Variants in COL15A1 observed in about 807,000 individuals in gnomAD.
COL15A1 encodes collagen type XV alpha 1 chain.
Under a neutral mutation model 165.9 loss-of-function variants are expected in COL15A1, and 111 were observed. The observed-to-expected ratio is 0.67, with a 90% CI of 0.57 to 0.78. COL15A1 has a LOEUF of 0.78. Among genes scored for constraint, COL15A1 ranks in the 30% least tolerant of loss-of-function variants. COL15A1 has a pLI of 0.00. For missense variants in COL15A1, 1,745 were observed against 1,789.7 expected (o/e 0.98, Z 0.45); for synonymous variants, 659 against 674.8 (o/e 0.98, Z 0.36).
At chr9:99,068,173 G>A (rs1010469256) in intron 40 of COL15A1, among the ~76,000 whole-genome samples, 2 of 152,128 alleles carry the variant, frequency 1.3e-5, no homozygotes, top group African/African-American at 4.8e-5. Flanking sequence ...CTTGAAGAGC[G>A]AGTAAAAATC....
intron 11 of COL15A1, among the ~76,000 whole-genome samples, chr9:99,020,030 G>C (rs955093755): frequency 3.3e-5 from 5 of 152,178 alleles, no homozygotes; most frequent in African/African-American, 1.2e-4. Flanking sequence ...CTGACTAATA[G>C]ATCTTAACAA....
intron 26 of COL15A1, among the ~76,000 whole-genome samples, chr9:99,046,210 T>C (rs1390011980): frequency 1.3e-5 from 2 of 152,226 alleles, no homozygotes; most frequent in African/African-American, 4.8e-5. Flanking sequence ...CTTCTTCTAA[T>C]TTGCATGAAG....
chr9:99,039,947 A>G (rs1280436954), intron 22 of COL15A1, among the ~76,000 whole-genome samples: 1 of 152,134 alleles, frequency 6.6e-6, no homozygotes, highest in African/African-American at 2.4e-5. Context: ...GATCCAGGGG[A>G]AAATCTAGTG....
intron 2 of COL15A1, among the ~76,000 whole-genome samples, chr9:98,985,155 C>T (rs1003781635): frequency 6.6e-6 from 1 of 152,094 alleles, no homozygotes; most frequent in African/African-American, 2.4e-5. Flanking sequence ...ATTATATATT[C>T]TAGGGATTAC....
chr9:98,982,491 GT>G (rs1443429377), intron 2 of COL15A1, among the ~76,000 whole-genome samples: 12 of 152,106 alleles, frequency 7.9e-5, no homozygotes, highest in African/African-American at 2.7e-4. Context: ...ACAGGGCAGG[GT>G]CTGGTACGAT....
chr9:98,949,282 C>A (rs1286004580), intron 2 of COL15A1, among the ~76,000 whole-genome samples: 1 of 152,200 alleles, frequency 6.6e-6, no homozygotes, highest in East Asian at 1.9e-4. Flanking sequence ...GTTACTTATC[C>A]ATTCTTCTCC....
At chr9:99,042,184 A>G (rs1839417153) in intron 24 of COL15A1, 77 bp downstream of exon 24, 2 of 1,013,348 alleles carry the variant, frequency 2.0e-6, no homozygotes, top group South Asian at 2.9e-5. Flanking sequence ...GAAAATAGCT[A>G]TTAACTTTTC....
intron 35 of COL15A1, 67 bp downstream of exon 35, chr9:99,056,471 G>A (rs1699695673): frequency 4.6e-6 from 7 of 1,513,094 alleles, no homozygotes; most frequent in Non-Finnish European, 6.2e-6. Flanking sequence ...CACAGCATCT[G>A]GGTGGCTTGT....
intron 2 of COL15A1, among the ~76,000 whole-genome samples, chr9:98,946,063 G>A (rs903979620): frequency 2.0e-5 from 3 of 152,194 alleles, no homozygotes; most frequent in South Asian, 2.1e-4. Flanking sequence ...GATGTGAAAC[G>A]ATTCCTAAAA....
intron 2 of COL15A1, among the ~76,000 whole-genome samples, chr9:98,974,511 G>A (rs919226481): frequency 1.3e-5 from 2 of 152,198 alleles, no homozygotes; most frequent in African/African-American, 2.4e-5. Flanking sequence ...AGGGCAAGGA[G>A]GAGGGACACG....
At chr9:99,008,121 T>G (rs1225950447) in intron 9 of COL15A1, among the ~76,000 whole-genome samples, 1 of 151,638 alleles carries the variant, frequency 6.6e-6, no homozygotes, top group East Asian at 1.9e-4. Flanking sequence ...TAGGCTCCTC[T>G]TTTTTTTTAA....
chr9:99,029,089 T>C (rs901696447), intron 16 of COL15A1, among the ~76,000 whole-genome samples: 1 of 152,232 alleles, frequency 6.6e-6, no homozygotes, highest in African/African-American at 2.4e-5. Context: ...TGAAAAATCA[T>C]TCCTTTCTGC....
At chr9:98,948,187 A>C (rs1184839488) in intron 2 of COL15A1, among the ~76,000 whole-genome samples, 1 of 152,220 alleles carries the variant, frequency 6.6e-6, no homozygotes, top group African/African-American at 2.4e-5. Flanking sequence ...CATAGTTCAC[A>C]GGAAGAAAGA....
In COL15A1 at chr9:98,996,846, A is replaced by G. The variant is rs946841789; in HGVS notation, c.805-88A>G. 3.9e-6 allele frequency: 6 copies of G among 1,551,170 alleles called. No homozygotes were observed. The African/African-American group carries it at 6.8e-5, about 18-fold the overall frequency. ...TTGGTTTATTCAGCATCTTGTGGAT[A>G]TATTATTTTCTTCAGTGATATTCTC... is the stretch of plus-strand genomic sequence containing the variant. On this transcript the variant is annotated intron_variant, in intron 5 of 41. Transcript: ENST00000375001.
intron 2 of COL15A1, among the ~76,000 whole-genome samples, chr9:98,949,815 T>C (rs999834221): frequency 1.3e-5 from 2 of 152,206 alleles, no homozygotes; most frequent in African/African-American, 2.4e-5. Context: ...AAAAGAAATA[T>C]CTATGCCCAT....
At chr9:98,988,783 C>T (rs577671665) in intron 4 of COL15A1, among the ~76,000 whole-genome samples, 3 of 151,880 alleles carry the variant, frequency 2.0e-5, no homozygotes, top group African/African-American at 7.2e-5. Flanking sequence ...ATTAGCCCGG[C>T]GTGGTGGCGT....
intron 13 of COL15A1, among the ~76,000 whole-genome samples, chr9:99,022,582 G>A (rs1380815723): frequency 6.6e-6 from 1 of 152,038 alleles, no homozygotes; most frequent in East Asian, 1.9e-4. Context: ...TTGGGCGATG[G>A]CACCAGCCTC....
chr9:99,055,631 G>A (rs1397577937), intron 34 of COL15A1, among the ~76,000 whole-genome samples: 1 of 152,220 alleles, frequency 6.6e-6, no homozygotes, highest in African/African-American at 2.4e-5. Flanking sequence ...CATGACATTG[G>A]TGGAAAATTC....
At chr9:98,995,200 A>T (rs1447385795) in intron 5 of COL15A1, among the ~76,000 whole-genome samples, 2 of 151,970 alleles carry the variant, frequency 1.3e-5, no homozygotes, top group Admixed American at 6.6e-5. Context: ...AGGGGTCTTT[A>T]TCTTCCCTGC....
Sources: gnomAD v4.1 joint callset for allele counts (sites outside exome capture counted in the v4.1 genomes callset) on GRCh38, gnomAD v4.1.1 for gene constraint, MANE v1.5 for transcripts, NCBI Gene and HGNC (gene_info 2026-07-23, HGNC 2026-07-21) for gene names.